DENND5B: variants seen among roughly 807,000 people sequenced by gnomAD.
DENND5B encodes DENN domain-containing protein 5B.
A neutral mutation model predicts 140.6 loss-of-function variants in DENND5B; 34 were observed. The observed-to-expected ratio is 0.24, with a 90% confidence interval of 0.18 to 0.32. The LOEUF is 0.32. Among genes scored for constraint, DENND5B ranks in the 10% least tolerant of loss-of-function variants. The pLI is 1.00. For synonymous variants in DENND5B, 551 were observed against 562.1 expected, an observed-to-expected ratio of 0.98 and a Z score of 0.28; for missense variants, 1,142 against 1,560.2, an observed-to-expected ratio of 0.73 and a Z score of 4.52.
chr12:31,414,650 C>T (rs1055457616), intron 12 of DENND5B, among the ~76,000 whole-genome samples: 1 of 151,626 alleles, frequency 6.6e-6, no homozygotes, highest in Non-Finnish European at 1.5e-5. Flanking sequence ...GACCCCATCT[C>T]GGCCGGGCAC....
At chr12:31,514,476 T>A (rs1947547664) in intron 1 of DENND5B, among the ~76,000 whole-genome samples, 4 of 152,226 alleles carry the variant, frequency 2.6e-5, no homozygotes, top group Admixed American at 2.6e-4. Flanking sequence ...ACCTTGTTTG[T>A]ACAAATTCTA....
intron 1 of DENND5B, among the ~76,000 whole-genome samples, chr12:31,580,703 G>A (rs376657226): frequency 1.8e-4 from 28 of 152,186 alleles, no homozygotes; most frequent in African/African-American, 6.3e-4. Context: ...CCATGTTGGT[G>A]AGCATGCTCA....
At chr12:31,514,520 T>A (rs560285917) in intron 1 of DENND5B, among the ~76,000 whole-genome samples, 1 of 152,288 alleles carries the variant, frequency 6.6e-6, no homozygotes, top group South Asian at 2.1e-4. Flanking sequence ...GAAGGTTATT[T>A]AATAAAAATT....
At chr12:31,540,948 T>C (rs1308965990) in intron 1 of DENND5B, 1 of 444,000 alleles carries the variant, frequency 2.3e-6, no homozygotes, top group South Asian at 1.6e-5. Flanking sequence ...GAACATACAA[T>C]GGAGAAAGGA....
chr12:31,392,989 T>C (rs1304185811), intron 17 of DENND5B, among the ~76,000 whole-genome samples: 1 of 152,098 alleles, frequency 6.6e-6, no homozygotes, highest in Non-Finnish European at 1.5e-5. Context: ...CAACTGAAAA[T>C]AGGAAAAATA....
chr12:31,457,377 A>G (rs1306422513), intron 4 of DENND5B, among the ~76,000 whole-genome samples: 2 of 152,204 alleles, frequency 1.3e-5, no homozygotes, highest in Admixed American at 1.3e-4. Context: ...CTATGTAGTT[A>G]TATTAGTTAG....
At chr12:31,524,210 A>C (rs1430513386) in intron 1 of DENND5B, among the ~76,000 whole-genome samples, 2 of 152,196 alleles carry the variant, frequency 1.3e-5, no homozygotes, top group Non-Finnish European at 2.9e-5. Flanking sequence ...TTTATTAGGA[A>C]ACTCTAAGAG....
At chr12:31,555,998 C>T (rs546878742) in intron 1 of DENND5B, among the ~76,000 whole-genome samples, 11 of 152,370 alleles carry the variant, frequency 7.2e-5, no homozygotes, top group Non-Finnish European at 1.3e-4. Flanking sequence ...TGACCCCTTG[C>T]GCTTCCCGGG....
At chr12:31,459,139 G>A (rs1944905443) in intron 4 of DENND5B, among the ~76,000 whole-genome samples, 1 of 151,724 alleles carries the variant, frequency 6.6e-6, no homozygotes, top group Non-Finnish European at 1.5e-5. Flanking sequence ...TTAAACCCAG[G>A]AGGCGGTGAG....
intron 1 of DENND5B, among the ~76,000 whole-genome samples, chr12:31,571,800 G>A (rs1215712617): frequency 6.6e-6 from 1 of 152,046 alleles, no homozygotes; most frequent in Non-Finnish European, 1.5e-5. Flanking sequence ...GTAGAGACAG[G>A]GTTTCACCAT....
At chr12:31,546,661 G>C (rs1416351941) in intron 1 of DENND5B, among the ~76,000 whole-genome samples, 1 of 152,130 alleles carries the variant, frequency 6.6e-6, no homozygotes, top group Non-Finnish European at 1.5e-5. Context: ...ACTCCAGCCT[G>C]GGAGACAGAG....
chr12:31,408,161 T>TCTCCACTAAAAACACAAAAATATAG, intron 14 of DENND5B, among the ~76,000 whole-genome samples: 1 of 150,956 alleles, frequency 6.6e-6, no homozygotes. Flanking sequence ...CCGGGCATGG[T>TCTCCACTAAAAACACAAAAATATAG]GACATATGCC....
intron 3 of DENND5B, 67 bp downstream of exon 3, chr12:31,479,522 T>C: frequency 2.2e-6 from 3 of 1,369,840 alleles, no homozygotes; most frequent in African/African-American, 1.5e-5. Flanking sequence ...ATATACCCCA[T>C]GGAAACACAG....
At position 31,581,693 on chromosome 12, in the gene DENND5B, C is replaced by CAAA. The variant is rs139320385; in HGVS notation, c.127+9010_127+9012dup. Among the ~76,000 whole-genome samples the CAAA allele has an allele frequency of 8.1e-3, 961 of 118,980 alleles. 12 individuals are homozygous for CAAA. The highest frequency in any genetic ancestry group is 0.026 in the African/African-American group (797 of 30,972). 78.1% of individuals were successfully genotyped at this position (118,980 alleles called of 152,430 possible). ...GGGCAACAACAGGGAAACTCTGTCT[C>CAAA]AAAAAAAAAAAAAAAAAAAGTAGCT... On this transcript the variant is annotated intron_variant, in intron 1 of 20. Transcript: ENST00000389082.
intron 1 of DENND5B, among the ~76,000 whole-genome samples, chr12:31,500,841 G>A (rs1341456377): frequency 1.3e-5 from 2 of 152,164 alleles, no homozygotes; most frequent in East Asian, 3.8e-4. Flanking sequence ...GGCCACTTTG[G>A]AAGAGAGTTT....
intron 1 of DENND5B, among the ~76,000 whole-genome samples, chr12:31,556,455 G>T (rs1184358282): frequency 6.6e-6 from 1 of 152,136 alleles, no homozygotes; most frequent in Non-Finnish European, 1.5e-5. Flanking sequence ...ACTTGCCTCG[G>T]CCTCCCAAAG....
At chr12:31,422,990 T>C (rs1943094031) in intron 11 of DENND5B, among the ~76,000 whole-genome samples, 1 of 151,282 alleles carries the variant, frequency 6.6e-6, no homozygotes, top group African/African-American at 2.4e-5. Context: ...ACCCAGGCTG[T>C]AGTGCAGTGG....
At chr12:31,567,525 TAAAAAAAAA>T (rs35048750) in intron 1 of DENND5B, among the ~76,000 whole-genome samples, 2 of 91,746 alleles carry the variant, frequency 2.2e-5, no homozygotes, top group Non-Finnish European at 4.0e-5. Flanking sequence ...AGACTCTGTC[TAAAAAAAAA>T]AAAAAAAAAA....
At chr12:31,582,215 T>G (rs568972293) in intron 1 of DENND5B, among the ~76,000 whole-genome samples, 3 of 152,340 alleles carry the variant, frequency 2.0e-5, no homozygotes, top group African/African-American at 7.2e-5. Flanking sequence ...CTTAGTTTTT[T>G]TACTCAAAAA....
Sources: allele counts gnomAD v4.1 joint callset (sites outside exome capture counted in the v4.1 genomes callset), GRCh38; gene constraint gnomAD v4.1.1; transcripts MANE v1.5; gene names NCBI Gene and HGNC (gene_info 2026-07-23, HGNC 2026-07-21).